SMARCAD1: variants seen among roughly 807,000 people sequenced by gnomAD.
The protein encoded by SMARCAD1 is SWI/SNF-related matrix-associated actin-dependent regulator of chromatin subfamily A containing DEAD/H box 1.
Under a neutral mutation model 127.1 loss-of-function variants are expected in SMARCAD1, and 25 were observed. That is an observed-to-expected ratio of 0.20 (90% CI 0.14 to 0.27). The LOEUF is 0.27. Among genes scored for constraint, SMARCAD1 ranks in the 10% least tolerant of loss-of-function variants. The pLI is 1.00. For synonymous variants in SMARCAD1, 400 were observed against 396.9 expected (o/e 1.01, Z -0.09); for missense variants, 807 against 1,206.0 (o/e 0.67, Z 4.90).
intron 4 of SMARCAD1, 110 bp from the exon 5 acceptor site, chr4:94,236,842 A>G (rs1292936714): frequency 1.1e-6 from 1 of 874,618 alleles, no homozygotes; most frequent in Non-Finnish European, 1.9e-6. Context: ...TATGACACAC[A>G]TACTTTCCTG....
chr4:94,225,190 A>G (rs765021818), intron 2 of SMARCAD1, among the ~76,000 whole-genome samples: 1 of 152,232 alleles, frequency 6.6e-6, no homozygotes, highest in Non-Finnish European at 1.5e-5. Context: ...CCATAACAAA[A>G]TGCTACAGGT....
chr4:94,247,727 A>T (rs1406089928), intron 6 of SMARCAD1, among the ~76,000 whole-genome samples: 1 of 152,136 alleles, frequency 6.6e-6, no homozygotes, highest in East Asian at 1.9e-4. Context: ...ATCTGCCTTC[A>T]GTCTCTGGAT....
chr4:94,258,814 C>G (rs1750514648), intron 9 of SMARCAD1, among the ~76,000 whole-genome samples: 1 of 152,206 alleles, frequency 6.6e-6, no homozygotes, highest in Non-Finnish European at 1.5e-5. Context: ...AGTTGCCTGG[C>G]TCTTTAAAAA....
intron 9 of SMARCAD1, among the ~76,000 whole-genome samples, chr4:94,258,250 G>A (rs944490987): frequency 1.1e-4 from 17 of 151,432 alleles, no homozygotes; most frequent in African/African-American, 3.4e-4. Context: ...TGCCTCCCAC[G>A]TATAAGCGAT....
intron 22 of SMARCAD1, among the ~76,000 whole-genome samples, chr4:94,284,576 G>GTTTTTTT: frequency 7.4e-6 from 1 of 135,276 alleles, no homozygotes; most frequent in Non-Finnish European, 1.6e-5. Context: ...TTTGGTTTTT[G>GTTTTTTT]TTTTTTTTTT....
chr4:94,213,514 A>C (rs940389770), intron 2 of SMARCAD1, among the ~76,000 whole-genome samples: 1 of 151,942 alleles, frequency 6.6e-6, no homozygotes, highest in African/African-American at 2.4e-5. Flanking sequence ...ATCCTGTGTC[A>C]GGGACGGTAG....
At chr4:94,221,302 CCAA>C (rs550381696) in intron 2 of SMARCAD1, among the ~76,000 whole-genome samples, 58 of 152,094 alleles carry the variant, frequency 3.8e-4, no homozygotes, top group Non-Finnish European at 7.8e-4. Context: ...TTCCAAATGA[CCAA>C]AGCACAGTAT....
At position 94,226,227 on chromosome 4, in the gene SMARCAD1, A is replaced by G. The variant is rs778437451; in HGVS notation, c.299A>G (p.Asp100Gly). Residue 100 changes from aspartate to glycine, a missense_variant, in exon 3 of 24, where the codon GAT becomes GGT. Physicochemically the swap from Asp to Gly is moderately conservative, Grantham distance 94. Coordinates refer to ENST00000354268, the MANE Select transcript of SMARCAD1 (RefSeq NM_020159.5). ...ATTGATTTGTCTTCTGATAGTGAAG[A>G]TGTCGTTTCCCCAAATTGCTCCAAT... ...QYIDLSSDSE[D>G]VVSPNCSNTV... 2.0e-5 allele frequency: 32 copies of G among 1,613,500 alleles called. No individual in the cohort carries two copies. Among genetic ancestry groups the G allele is most frequent in the Non-Finnish European group, 1.9e-5 (22 of 1,179,560 alleles).
rs148102079 is a variant in SMARCAD1 at position 94,267,121 on chromosome 4, A to G, written c.1481+2215A>G. On this transcript the variant is annotated intron_variant, in intron 10 of 23. Coordinates refer to ENST00000354268, the MANE Select transcript of SMARCAD1 (RefSeq NM_020159.5). ...TGTTCAGAATACAATATATTTAATC[A>G]AGTGTGTCTTGCCTTTTGAGCTAAA... is the stretch of plus-strand genomic sequence containing the variant. Among the ~76,000 whole-genome samples the G allele has an allele frequency of 9.1e-3, 1,383 of 152,186 alleles. 24 individuals carry two copies. The highest frequency in any genetic ancestry group is 0.031 in the African/African-American group (1,286 of 41,536).
At position 94,234,003 on chromosome 4, in the gene SMARCAD1, C is replaced by A; in HGVS notation, c.418C>A (p.Arg140Ser). ...EESQGLPTMARRNDDISELED... is the reference protein window; with the variant it reads ...EESQGLPTMASRNDDISELED... ...GTCCCAAGGCCTTCCTACCATGGCA[C>A]GTAGAAATGATGATATTTCAGAACT... Residue 140 changes from arginine to serine, a missense_variant, in exon 4 of 24, where the codon CGT (arginine) becomes AGT (serine). By Grantham distance (110) the Arg-to-Ser change is moderately radical (BLOSUM62 -1). Transcript: ENST00000354268. 6.2e-7 allele frequency: 1 copy of A among 1,613,618 alleles called. No homozygotes were observed. The highest frequency in any genetic ancestry group is 1.1e-5 in the South Asian group (1 of 91,072).
chr4:94,240,466 A>G (rs1488311759), intron 5 of SMARCAD1, among the ~76,000 whole-genome samples: 1 of 152,204 alleles, frequency 6.6e-6, no homozygotes, highest in African/African-American at 2.4e-5. Flanking sequence ...AGTAAATGAA[A>G]CAATAGTTTA....
At chr4:94,236,898 G>A in intron 4 of SMARCAD1, 54 bp from the exon 5 acceptor site, 1 of 1,375,716 alleles carries the variant, frequency 7.3e-7, no homozygotes, top group Non-Finnish European at 1.0e-6. Flanking sequence ...TTCAGTAACT[G>A]AAATAATTCT....
intron 2 of SMARCAD1, among the ~76,000 whole-genome samples, chr4:94,223,802 C>G (rs866349326): frequency 6.9e-6 from 1 of 145,072 alleles, no homozygotes; most frequent in Non-Finnish European, 1.5e-5. Context: ...GGGCTGATGT[C>G]GAACTCCTGA....
At chr4:94,219,558 C>T (rs1743760295) in intron 2 of SMARCAD1, among the ~76,000 whole-genome samples, 2 of 152,020 alleles carry the variant, frequency 1.3e-5, no homozygotes, top group Non-Finnish European at 2.9e-5. Context: ...ATAAGATTGT[C>T]TTCTTTTATG....
intron 5 of SMARCAD1, among the ~76,000 whole-genome samples, chr4:94,237,367 T>C (rs1021760715): frequency 1.3e-5 from 2 of 152,046 alleles, no homozygotes; most frequent in South Asian, 4.1e-4. Context: ...TCAACATTCC[T>C]TTAGTAAATA....
rs376969302 is a variant in SMARCAD1 at position 94,233,969 on chromosome 4, A to G, written c.384A>G (p.Glu128=). The change falls in exon 4 of 24, where the codon GAA becomes GAG. Residue 128 remains glutamate (E), a synonymous_variant. Transcript: ENST00000354268. ...ATATTTTTAGTTCTGAGCCATCTGA[A>G]GATGAAGAGTCCCAAGGCCTTCCTA... ...DTVIIVSEPS[E]DEESQGLPTM... is the part of the protein sequence containing the mutation. 5 of 1,613,620 alleles carry G rather than the reference A, an allele frequency of 3.1e-6. No homozygotes were observed. In the African/African-American group the frequency reaches 4.0e-5, roughly 13 times the overall value.
At chr4:94,218,966 C>G (rs964958408) in intron 2 of SMARCAD1, among the ~76,000 whole-genome samples, 15 of 152,002 alleles carry the variant, frequency 9.9e-5, no homozygotes, top group African/African-American at 3.4e-4. Context: ...TGTGCACCAC[C>G]ACGCCTGGCT....
intron 23 of SMARCAD1, among the ~76,000 whole-genome samples, chr4:94,288,548 G>A (rs1755276190): frequency 6.6e-6 from 1 of 152,032 alleles, no homozygotes; most frequent in Non-Finnish European, 1.5e-5. Flanking sequence ...TTGTGTTCCT[G>A]TGGATATATG....
intron 6 of SMARCAD1, among the ~76,000 whole-genome samples, chr4:94,241,341 G>A (rs894035728): frequency 2.6e-5 from 4 of 152,116 alleles, no homozygotes; most frequent in African/African-American, 9.7e-5. Context: ...AATTTATCCA[G>A]TATTAATTGC....
Sources: gnomAD v4.1 joint callset for allele counts (sites outside exome capture counted in the v4.1 genomes callset) on GRCh38, gnomAD v4.1.1 for gene constraint, MANE v1.5 for transcripts, NCBI Gene and HGNC (gene_info 2026-07-23, HGNC 2026-07-21) for gene names.